EYS: variants seen among roughly 807,000 people sequenced by gnomAD.
EYS encodes protein eyes shut homolog.
A neutral mutation model predicts 282.1 loss-of-function variants in EYS; 250 were observed. That is an observed-to-expected ratio of 0.89 (90% confidence interval 0.80 to 0.98). EYS has a LOEUF of 0.98. Among genes scored for constraint, EYS ranks in the 50% least tolerant of loss-of-function variants. The pLI, the probability that EYS is intolerant of heterozygous loss-of-function variation, is 0.00. For missense variants in EYS, 4,016 were observed against 3,709.0 expected, an observed-to-expected ratio of 1.08 and a Z score of -2.15; for synonymous variants, 1,355 against 1,282.9, an observed-to-expected ratio of 1.06 and a Z score of -1.20.
At chr6:65,480,692 T>C (rs1765574501) in intron 5 of EYS, among the ~76,000 whole-genome samples, 1 of 152,118 alleles carries the variant, frequency 6.6e-6, no homozygotes, top group Non-Finnish European at 1.5e-5. Flanking sequence ...TAATAGTCAA[T>C]ATATGGAATC....
chr6:64,880,450 CTA>C lies in EYS; in HGVS notation c.2992+6245_2992+6246del, dbSNP rs964575872. Among the ~76,000 whole-genome samples the C allele has an allele frequency of 4.7e-4, 72 of 151,836 alleles. 1 individual carries two copies. The highest frequency in any genetic ancestry group is 1.7e-3 in the African/African-American group (69 of 41,470). On this transcript the variant is annotated intron_variant, in intron 19 of 42. Coordinates refer to ENST00000503581, the MANE Select transcript of EYS (RefSeq NM_001142800.2). ...AATGTAAATATCAGTTAGTAAGGAA[CTA>C]TTTCATCTTTATATGTAATTAAGTG... is the stretch of plus-strand genomic sequence containing the variant.
At chr6:65,333,638 G>A (rs72884860) in intron 11 of EYS, among the ~76,000 whole-genome samples, 20,211 of 151,364 alleles carry the variant, frequency 0.13, 1,393 homozygotes, top group Admixed American at 0.16. Context: ...GAATATTAGA[G>A]CCTCTAATTG....
At chr6:64,603,063 T>C (rs955595665) in intron 24 of EYS, among the ~76,000 whole-genome samples, 2 of 151,932 alleles carry the variant, frequency 1.3e-5, no homozygotes, top group African/African-American at 2.4e-5. Context: ...CATTAGAATA[T>C]GTAATATCAT....
chr6:64,650,011 T>C (rs1292098108), intron 22 of EYS, among the ~76,000 whole-genome samples: 1 of 152,034 alleles, frequency 6.6e-6, no homozygotes, highest in Non-Finnish European at 1.5e-5. Flanking sequence ...AATTTTAAAA[T>C]CCAAATTTAA....
intron 5 of EYS, among the ~76,000 whole-genome samples, chr6:65,453,143 G>A (rs2150403352): frequency 6.6e-6 from 1 of 152,070 alleles, no homozygotes; most frequent in African/African-American, 2.4e-5. Context: ...TGTATGGGCA[G>A]GTTTATTGTT....
At chr6:64,016,989 T>A (rs933142036) in intron 33 of EYS, among the ~76,000 whole-genome samples, 1 of 152,012 alleles carries the variant, frequency 6.6e-6, no homozygotes, top group Non-Finnish European at 1.5e-5. Context: ...TTAATCATAA[T>A]CTTTCCATCA....
intron 1 of EYS, among the ~76,000 whole-genome samples, chr6:65,694,327 T>C (rs1769357803): frequency 6.7e-6 from 1 of 149,858 alleles, no homozygotes; most frequent in Admixed American, 6.7e-5. Flanking sequence ...TGTAAACTAG[T>C]ATGTAAATAT....
intron 11 of EYS, chr6:65,329,646 A>T (rs1769723482): frequency 2.0e-6 from 2 of 982,320 alleles, no homozygotes; most frequent in Admixed American, 6.2e-5. Flanking sequence ...TAGTATAGCC[A>T]AAATAAATAA....
At chr6:64,688,074 C>T (rs1465332379) in intron 22 of EYS, among the ~76,000 whole-genome samples, 2 of 151,066 alleles carry the variant, frequency 1.3e-5, no homozygotes, top group East Asian at 1.9e-4. Context: ...GGTGGTATCC[C>T]CTTTATCATT....
At chr6:63,943,550 A>G (rs116023412) in intron 35 of EYS, among the ~76,000 whole-genome samples, 2,196 of 152,336 alleles carry the variant, frequency 0.014, 48 homozygotes, top group African/African-American at 0.049. Context: ...TGATAAGAAG[A>G]TATGTGCAAA....
At chr6:64,451,361 T>C (rs772431540) in intron 26 of EYS, among the ~76,000 whole-genome samples, 1 of 152,170 alleles carries the variant, frequency 6.6e-6, no homozygotes, top group Non-Finnish European at 1.5e-5. Context: ...ATTCAGGCAA[T>C]AATTAATAGC....
At chr6:65,236,610 A>AT (rs1036908421) in intron 12 of EYS, among the ~76,000 whole-genome samples, 20 of 138,378 alleles carry the variant, frequency 1.4e-4, no homozygotes, top group Non-Finnish European at 2.7e-4. Context: ...TCTGTCTCAA[A>AT]TAAAAAAAAA....
chr6:65,069,727 T>G (rs1440777893), intron 12 of EYS, among the ~76,000 whole-genome samples: 1 of 152,016 alleles, frequency 6.6e-6, no homozygotes, highest in Non-Finnish European at 1.5e-5. Flanking sequence ...GTTTTAATTT[T>G]TATTTTTTAG....
intron 40 of EYS, among the ~76,000 whole-genome samples, chr6:63,769,347 T>G (rs1769875656): frequency 6.6e-6 from 1 of 151,868 alleles, no homozygotes; most frequent in Non-Finnish European, 1.5e-5. Flanking sequence ...GTTCAGGACA[T>G]AAGGCAGATT....
chr6:63,931,006 G>A (rs1764875696), intron 35 of EYS, among the ~76,000 whole-genome samples: 1 of 152,128 alleles, frequency 6.6e-6, no homozygotes, highest in Non-Finnish European at 1.5e-5. Flanking sequence ...AATTACAAAG[G>A]TTATCTTCTT....
intron 12 of EYS, among the ~76,000 whole-genome samples, chr6:65,257,891 C>A (rs1330190122): frequency 6.6e-6 from 1 of 150,512 alleles, no homozygotes; most frequent in Non-Finnish European, 1.5e-5. Context: ...TTAATGAGTT[C>A]AAAAATATAG....
At chr6:63,985,014 AG>A in intron 34 of EYS, among the ~76,000 whole-genome samples, 1 of 151,742 alleles carries the variant, frequency 6.6e-6, no homozygotes, top group Non-Finnish European at 1.5e-5. Context: ...CATATATTGA[AG>A]TTCTAACCCC....
chr6:64,352,771 C>A (rs590048), intron 29 of EYS, among the ~76,000 whole-genome samples: 88,195 of 151,290 alleles, frequency 0.58, 26,764 homozygotes, highest in Non-Finnish European at 0.67. Context: ...TGTAATTATT[C>A]GAAGAGTAAT....
chr6:64,759,592 C>T (rs905928780), intron 22 of EYS, among the ~76,000 whole-genome samples: 1 of 152,006 alleles, frequency 6.6e-6, no homozygotes, highest in Non-Finnish European at 1.5e-5. Context: ...GCAGAATTAA[C>T]ACTGAGAGGT....
Sources: allele counts gnomAD v4.1 joint callset (sites outside exome capture counted in the v4.1 genomes callset), GRCh38; gene constraint gnomAD v4.1.1; transcripts MANE v1.5; gene names NCBI Gene and HGNC (gene_info 2026-07-23, HGNC 2026-07-21).